The following CFAP53 variants were observed in gnomAD, a reference collection of about 807,000 sequenced individuals.
CFAP53 encodes the protein cilia- and flagella-associated protein 53.
Under a neutral mutation model 59.7 loss-of-function variants are expected in CFAP53, and 62 were observed. The ratio of observed to expected loss-of-function variants is 1.04; its 90% confidence interval spans 0.85 to 1.28. The LOEUF (loss-of-function observed/expected upper bound fraction) is 1.28. CFAP53 is among the 50% of genes most tolerant of loss of function. CFAP53 has a pLI of 0.00. For missense variants in CFAP53, 629 were observed against 615.6 expected (o/e 1.02, Z -0.23); for synonymous variants, 218 against 205.7 (o/e 1.06, Z -0.51).
At position 50,250,778 on chromosome 18, in the gene CFAP53, C is replaced by T; in HGVS notation, c.976G>A (p.Asp326Asn). The change falls in exon 5 of 8, where the codon GAT (aspartate) becomes AAT (asparagine). Residue 326 changes from aspartate to asparagine, a missense_variant. By Grantham distance (23) the Asp-to-Asn change is conservative (BLOSUM62 1). Coordinates refer to ENST00000398545, the MANE Select transcript of CFAP53 (RefSeq NM_145020.5). Reference sequence around the variant, plus strand: ...CTTACTCTTTTTTGTTTCTTTTTATCTGCCTCTTCCTGTAAGTCTTGAAGG... The same window carrying T: ...CTTACTCTTTTTTGTTTCTTTTTATTTGCCTCTTCCTGTAAGTCTTGAAGG... ...RALQDLQEEA[D>N]KKKQKREDMI... 1 of 1,614,082 alleles carries T rather than the reference C, an allele frequency of 6.2e-7. No homozygotes were observed.
intron 7 of CFAP53, among the ~76,000 whole-genome samples, chr18:50,228,806 A>G (rs2033551944): frequency 6.6e-6 from 1 of 152,062 alleles, no homozygotes; most frequent in Non-Finnish European, 1.5e-5. Context: ...ACAAACAAAC[A>G]AACAAAAAAC....
intron 3 of CFAP53, among the ~76,000 whole-genome samples, chr18:50,257,351 C>T (rs925857503): frequency 3.3e-5 from 5 of 152,110 alleles, no homozygotes; most frequent in Non-Finnish European, 5.9e-5. Flanking sequence ...GCAGATGACA[C>T]GATCTTATAT....
chr18:50,232,315 T>C (rs1484565616), intron 7 of CFAP53, among the ~76,000 whole-genome samples: 3 of 152,194 alleles, frequency 2.0e-5, no homozygotes, highest in Non-Finnish European at 2.9e-5. Context: ...ATGGCCCCTA[T>C]GTAGAAAACC....
chr18:50,232,821 G>T (rs1016680766), intron 7 of CFAP53, among the ~76,000 whole-genome samples: 3 of 152,220 alleles, frequency 2.0e-5, no homozygotes, highest in Non-Finnish European at 4.4e-5. Context: ...CTGTGCAGTG[G>T]CTGGAAGGCT....
At chr18:50,252,090 T>C (rs948900242) in intron 3 of CFAP53, among the ~76,000 whole-genome samples, 2 of 127,632 alleles carry the variant, frequency 1.6e-5, no homozygotes, top group African/African-American at 5.9e-5. Flanking sequence ...ACCCCTAATT[T>C]AGGGTTGCTT....
At chr18:50,266,022 C>T (rs767010835) in intron 1 of CFAP53, among the ~76,000 whole-genome samples, 15 of 152,200 alleles carry the variant, frequency 9.9e-5, no homozygotes, top group Admixed American at 4.6e-4. Flanking sequence ...GACAGACATC[C>T]TTCCGGTGTC....
chr18:50,252,465 G>C (rs1040342532), intron 3 of CFAP53, among the ~76,000 whole-genome samples: 3 of 151,796 alleles, frequency 2.0e-5, no homozygotes, highest in Admixed American at 1.3e-4. Flanking sequence ...ATGCAGTGGC[G>C]TGATCATGGC....
At chr18:50,250,237 AG>A (rs1363418445) in intron 5 of CFAP53, among the ~76,000 whole-genome samples, 8 of 109,360 alleles carry the variant, frequency 7.3e-5, no homozygotes, top group African/African-American at 2.5e-4. Flanking sequence ...AAAAAAAAAA[AG>A]AGAGAGAGAG....
intron 5 of CFAP53, 101 bp from the exon 6 acceptor site, chr18:50,243,217 T>C (rs1249421213): frequency 1.3e-6 from 1 of 768,638 alleles, no homozygotes; most frequent in Non-Finnish European, 2.1e-6. Flanking sequence ...CCCAATCTTT[T>C]AGAACTATGT....
At chr18:50,263,856 C>T (rs75975375) in intron 1 of CFAP53, among the ~76,000 whole-genome samples, 3,585 of 152,164 alleles carry the variant, frequency 0.024, 141 homozygotes, top group African/African-American at 0.082. Context: ...GGTCAGGAAG[C>T]CTTTTAAGGC....
At chr18:50,249,203 C>CAAAAAAAAAAA (rs34676585) in intron 5 of CFAP53, among the ~76,000 whole-genome samples, 7 of 105,128 alleles carry the variant, frequency 6.7e-5, no homozygotes, top group Non-Finnish European at 9.3e-5. Context: ...AATTCTATCT[C>CAAAAAAAAAAA]AAAAAAAAAA....
At chr18:50,238,894 C>T (rs2033662056) in intron 6 of CFAP53, among the ~76,000 whole-genome samples, 189 bp from the exon 7 acceptor site, 1 of 152,078 alleles carries the variant, frequency 6.6e-6, no homozygotes, top group African/African-American at 2.4e-5. Context: ...ATATATGCTA[C>T]AATCTAGATT....
intron 7 of CFAP53, among the ~76,000 whole-genome samples, chr18:50,234,035 G>T (rs34576378): frequency 0.3 from 46,167 of 152,062 alleles, 8,202 homozygotes; most frequent in Non-Finnish European, 0.41. Flanking sequence ...CACTTGTAAG[G>T]CTCACCTCTG....
At chr18:50,260,921 T>G in intron 3 of CFAP53, 143 bp downstream of exon 3, 2 of 715,378 alleles carry the variant, frequency 2.8e-6, no homozygotes, top group Non-Finnish European at 4.5e-6. Context: ...TATTATTCAA[T>G]GATATGTAAT....
chr18:50,249,135 G>A (rs900699501), intron 5 of CFAP53, among the ~76,000 whole-genome samples: 1 of 150,894 alleles, frequency 6.6e-6, no homozygotes, highest in Non-Finnish European at 1.5e-5. Context: ...CCCATGAGGC[G>A]GAGGTTGCAG....
At chr18:50,233,344 C>T (rs964940062) in intron 7 of CFAP53, among the ~76,000 whole-genome samples, 1 of 152,228 alleles carries the variant, frequency 6.6e-6, no homozygotes, top group Non-Finnish European at 1.5e-5. Context: ...CTCTTTTTAT[C>T]CAATTCTACT....
At position 50,250,982 on chromosome 18, in the gene CFAP53, G is replaced by T. The variant is rs2033793616; in HGVS notation, c.778-6C>A. On this transcript the variant is annotated splice_region_variant and splice_polypyrimidine_tract_variant and intron_variant, in intron 4 of 7. Transcript: ENST00000398545. ...ATCTGTGCGTTGTTACTTTCCTAAG[G>T]TAGAATCATAATAAAGATAATGCAT... 1.2e-6 allele frequency: 2 copies of T among 1,610,560 alleles called. No individual in the cohort carries two copies. Among genetic ancestry groups the T allele is most frequent in the Non-Finnish European group, 8.5e-7 (1 of 1,177,106 alleles).
chr18:50,230,838 A>G (rs1599111901), intron 7 of CFAP53, among the ~76,000 whole-genome samples: 1 of 152,212 alleles, frequency 6.6e-6, no homozygotes, highest in East Asian at 1.9e-4. Context: ...AGAAATAAAG[A>G]TAATAGAATT....
At chr18:50,232,811 C>A (rs1339750402) in intron 7 of CFAP53, among the ~76,000 whole-genome samples, 2 of 152,230 alleles carry the variant, frequency 1.3e-5, no homozygotes, top group African/African-American at 4.8e-5. Context: ...TGACCTTGCA[C>A]TGTGCAGTGG....
Sources: gnomAD v4.1 joint callset for allele counts (sites outside exome capture counted in the v4.1 genomes callset) on GRCh38, gnomAD v4.1.1 for gene constraint, MANE v1.5 for transcripts, NCBI Gene and HGNC (gene_info 2026-07-23, HGNC 2026-07-21) for gene names.